ST6GALNAC3: variants seen among roughly 807,000 people sequenced by gnomAD.
The protein encoded by ST6GALNAC3 is ST6 N-acetylgalactosaminide alpha-2,6-sialyltransferase 3.
Under a neutral mutation model 32.7 loss-of-function variants are expected in ST6GALNAC3, and 25 were observed. The ratio of observed to expected loss-of-function variants is 0.76; its 90% CI spans 0.56 to 1.07. ST6GALNAC3 has a LOEUF of 1.07. Ranked by LOEUF, ST6GALNAC3 falls within the 50% of genes least tolerant of loss-of-function variation. The pLI is 0.00. For missense variants in ST6GALNAC3, 355 were observed against 382.4 expected (o/e 0.93, Z 0.60); for synonymous variants, 129 against 133.1 (o/e 0.97, Z 0.21).
intron 1 of ST6GALNAC3, among the ~76,000 whole-genome samples, chr1:76,261,346 T>C (rs2100729164): frequency 6.6e-6 from 1 of 152,342 alleles, no homozygotes; most frequent in East Asian, 1.9e-4. Flanking sequence ...TCCAGTTTGT[T>C]GTCAGTTAAG....
chr1:76,138,187 A>G (rs943395899), intron 1 of ST6GALNAC3, among the ~76,000 whole-genome samples: 2 of 152,210 alleles, frequency 1.3e-5, no homozygotes, highest in African/African-American at 4.8e-5. Flanking sequence ...GGTTGAAAAT[A>G]TTTCATTTTT....
intron 3 of ST6GALNAC3, among the ~76,000 whole-genome samples, chr1:76,481,864 A>AT (rs1386042932): frequency 6.6e-6 from 1 of 152,178 alleles, no homozygotes; most frequent in Non-Finnish European, 1.5e-5. Flanking sequence ...ACTAGGGCCC[A>AT]TAATAGAACT....
At chr1:76,449,061 T>C (rs777620555) in intron 3 of ST6GALNAC3, among the ~76,000 whole-genome samples, 6 of 152,168 alleles carry the variant, frequency 3.9e-5, no homozygotes, top group African/African-American at 7.2e-5. Context: ...GACCTTGTGA[T>C]CTGCCTTCCT....
chr1:76,500,737 A>T (rs369957890), intron 3 of ST6GALNAC3, among the ~76,000 whole-genome samples: 1 of 152,178 alleles, frequency 6.6e-6, no homozygotes, highest in East Asian at 1.9e-4. Context: ...AATCTCAGAG[A>T]CTTTGCAAAG....
At chr1:76,087,448 G>A (rs1272654198) in intron 1 of ST6GALNAC3, among the ~76,000 whole-genome samples, 1 of 152,186 alleles carries the variant, frequency 6.6e-6, no homozygotes, top group Non-Finnish European at 1.5e-5. Context: ...GTGGGTAAGA[G>A]GAGGGGTAGA....
intron 1 of ST6GALNAC3, among the ~76,000 whole-genome samples, chr1:76,232,736 G>A (rs541476757): frequency 6.6e-6 from 1 of 152,348 alleles, no homozygotes; most frequent in South Asian, 2.1e-4. Context: ...CTGTGTTGTT[G>A]AAGAAGCCAC....
chr1:76,531,255 G>A (rs1322794598), intron 3 of ST6GALNAC3, among the ~76,000 whole-genome samples: 1 of 152,154 alleles, frequency 6.6e-6, no homozygotes, highest in African/African-American at 2.4e-5. Flanking sequence ...TCCTTAAAAA[G>A]CAGGCTTTTG....
intron 1 of ST6GALNAC3, among the ~76,000 whole-genome samples, chr1:76,270,014 T>A (rs1296261156): frequency 2.0e-5 from 3 of 152,214 alleles, no homozygotes; most frequent in Non-Finnish European, 4.4e-5. Context: ...AGAGCTGTTA[T>A]CATTCTGGAT....
chr1:76,619,779 G>C (rs1648522086), intron 3 of ST6GALNAC3, among the ~76,000 whole-genome samples: 1 of 152,108 alleles, frequency 6.6e-6, no homozygotes. Context: ...TTAGGGGATA[G>C]ATCAGAATGA....
chr1:76,210,529 A>G (rs1213915956), intron 1 of ST6GALNAC3, among the ~76,000 whole-genome samples: 1 of 152,130 alleles, frequency 6.6e-6, no homozygotes, highest in Non-Finnish European at 1.5e-5. Flanking sequence ...CCTTATATTA[A>G]TCTGGTAGGA....
At chr1:76,429,032 T>C (rs1191785047) in intron 3 of ST6GALNAC3, among the ~76,000 whole-genome samples, 1 of 152,132 alleles carries the variant, frequency 6.6e-6, no homozygotes, top group Non-Finnish European at 1.5e-5. Context: ...TAAAAAAGTT[T>C]CTCAGATTGT....
At chr1:76,103,914 A>G (rs188681986) in intron 1 of ST6GALNAC3, among the ~76,000 whole-genome samples, 1 of 152,282 alleles carries the variant, frequency 6.6e-6, no homozygotes, top group African/African-American at 2.4e-5. Flanking sequence ...CTTTTTCCAT[A>G]TAATGTATTA....
At chr1:76,404,128 T>G (rs1270563287) in intron 2 of ST6GALNAC3, among the ~76,000 whole-genome samples, 3 of 152,054 alleles carry the variant, frequency 2.0e-5, no homozygotes, top group Admixed American at 2.0e-4. Flanking sequence ...TATTAAGTTT[T>G]ATGCTTAGAT....
chr1:76,505,339 G>A (rs1045658779), intron 3 of ST6GALNAC3, among the ~76,000 whole-genome samples: 1 of 152,066 alleles, frequency 6.6e-6, no homozygotes, highest in South Asian at 2.1e-4. Context: ...GGCCAGGATG[G>A]TCTCGATCTC....
Position 76,433,290 on chromosome 1 carries a change from A to AT in ST6GALNAC3, c.623+20881dup, listed in dbSNP as rs539325357. Among the ~76,000 whole-genome samples, 346 of 151,604 alleles carry AT rather than the reference A, an allele frequency of 2.3e-3. 2 individuals carry two copies. The highest frequency in any genetic ancestry group is 7.9e-3 in the African/African-American group (326 of 41,326). ...TTTCCGTAAGATTTTTGTTTGGTTG[A>AT]TTTTTTTTAACCTTAAGAAAAAAAG... On this transcript the variant is annotated intron_variant, in intron 3 of 4. Coordinates refer to ENST00000328299, the MANE Select transcript of ST6GALNAC3 (RefSeq NM_152996.4).
At chr1:76,131,041 C>T (rs1649574684) in intron 1 of ST6GALNAC3, among the ~76,000 whole-genome samples, 1 of 152,164 alleles carries the variant, frequency 6.6e-6, no homozygotes, top group Admixed American at 6.5e-5. Flanking sequence ...AGAAGGATAC[C>T]CAGATGGGGT....
chr1:76,507,600 G>C (rs962235987), intron 3 of ST6GALNAC3, among the ~76,000 whole-genome samples: 3 of 152,134 alleles, frequency 2.0e-5, no homozygotes, highest in Non-Finnish European at 4.4e-5. Flanking sequence ...GCATGTATCT[G>C]TACTTCATTC....
chr1:76,239,755 A>G (rs1164717285), intron 1 of ST6GALNAC3, among the ~76,000 whole-genome samples: 1 of 152,190 alleles, frequency 6.6e-6, no homozygotes, highest in African/African-American at 2.4e-5. Context: ...AAACATCCAA[A>G]CTATATCAGA....
intron 1 of ST6GALNAC3, among the ~76,000 whole-genome samples, chr1:76,092,397 G>A (rs1647059940): frequency 6.6e-6 from 1 of 152,202 alleles, no homozygotes; most frequent in African/African-American, 2.4e-5. Context: ...TGCCTTAGTA[G>A]CTATTCTGTT....
Sources: allele counts gnomAD v4.1 joint callset (sites outside exome capture counted in the v4.1 genomes callset), GRCh38; gene constraint gnomAD v4.1.1; transcripts MANE v1.5; gene names NCBI Gene and HGNC (gene_info 2026-07-23, HGNC 2026-07-21).